Variants in PCCA observed in about 807,000 individuals in gnomAD.
PCCA encodes propionyl-CoA carboxylase alpha chain, mitochondrial.
Under a neutral mutation model 101.3 loss-of-function variants are expected in PCCA, and 74 were observed. That is an observed-to-expected ratio of 0.73 (90% CI 0.61 to 0.89). The LOEUF (loss-of-function observed/expected upper bound fraction) is 0.89, where lower values mean the gene tolerates loss of function less well. Among genes scored for constraint, PCCA ranks in the 40% least tolerant of loss-of-function variants. The pLI is 0.00. For synonymous variants in PCCA, 294 were observed against 313.6 expected (o/e 0.94, Z 0.66); for missense variants, 891 against 907.0 (o/e 0.98, Z 0.23).
intron 23 of PCCA, 26 bp from the exon 24 acceptor site, chr13:100,530,071 CT>C: frequency 6.3e-7 from 1 of 1,590,060 alleles, no homozygotes; most frequent in Non-Finnish European, 8.6e-7. Flanking sequence ...TTACTCTCCC[CT>C]CCCCCTGCAT....
intron 23 of PCCA, among the ~76,000 whole-genome samples, chr13:100,529,881 G>A (rs1022045629): frequency 2.6e-5 from 4 of 152,272 alleles, no homozygotes; most frequent in East Asian, 1.9e-4. Context: ...CAGAGGAGAC[G>A]GGAAAGGGGA....
chr13:100,518,642 T>TA (rs1465168817), intron 22 of PCCA, among the ~76,000 whole-genome samples: 4 of 152,194 alleles, frequency 2.6e-5, no homozygotes, highest in Non-Finnish European at 5.9e-5. Context: ...AAAATGCAGG[T>TA]AAGCAAACAA....
chr13:100,348,800 CTTCCTTCCTTCCTTCCT>C (rs1296931031), intron 18 of PCCA, among the ~76,000 whole-genome samples: 3 of 49,628 alleles, frequency 6.0e-5, no homozygotes, highest in African/African-American at 2.4e-4. Flanking sequence ...TCCTTCCTTC[CTTCCTTCCTTCCTTCCT>C]TTCTTTCTTT....
At chr13:100,451,787 C>T (rs1452017762) in intron 21 of PCCA, among the ~76,000 whole-genome samples, 1 of 131,404 alleles carries the variant, frequency 7.6e-6, no homozygotes, top group Non-Finnish European at 1.6e-5. Context: ...TCTCTGTCCT[C>T]TTCCTCTCCT....
Position 100,391,146 on chromosome 13 carries a change from TAGCTGGGACTAC to T in PCCA, c.1746+22575_1746+22586del, listed in dbSNP as rs367762909. ...GAATCTCCTGCCTCAGCCTCCCAAGTAGCTGGGACTACAGGCGCACGCCACCACGCCCAGCTA... is the reference window on the plus strand; with the variant it reads ...GAATCTCCTGCCTCAGCCTCCCAAGTAGGCGCACGCCACCACGCCCAGCTA... On this transcript the variant is annotated intron_variant, in intron 19 of 23. Transcript: ENST00000376285. Among the ~76,000 whole-genome samples, 506 of 152,260 alleles carry T rather than the reference TAGCTGGGACTAC, an allele frequency of 3.3e-3. 3 individuals carry two copies. Among genetic ancestry groups the T allele is most frequent in the African/African-American group, 0.011 (468 of 41,558 alleles).
chr13:100,211,643 C>T (rs1355139669), intron 7 of PCCA, among the ~76,000 whole-genome samples: 1 of 152,112 alleles, frequency 6.6e-6, no homozygotes, highest in East Asian at 1.9e-4. Flanking sequence ...TATTCTGGGT[C>T]CTGAGTAGGA....
rs746050178 is a variant in PCCA, at chr13:100,309,879, C to A, written c.1400C>A (p.Ala467Glu). The A allele has an allele frequency of 1.2e-6, 2 of 1,612,874 alleles. No individual in the cohort carries two copies. Among genetic ancestry groups the A allele is most frequent in the Non-Finnish European group, 1.7e-6 (2 of 1,179,000 alleles). ...SDRTEALKRM[A>E]DALDNYVIRG... ...AGAACTGAGGCACTGAAGAGAATGG[C>A]AGATGCACTGGATAACTATGTTATT... Residue 467 changes from alanine to glutamate, a missense_variant, in exon 16 of 24, where the codon GCA (alanine) becomes GAA (glutamate). Physicochemically the swap from Ala to Glu is moderately radical, Grantham distance 107. Transcript: ENST00000376285.
At chr13:100,442,551 T>A (rs986140408) in intron 20 of PCCA, among the ~76,000 whole-genome samples, 1 of 152,218 alleles carries the variant, frequency 6.6e-6, no homozygotes, top group Admixed American at 6.5e-5. Flanking sequence ...GCCAAAGGAA[T>A]GATAATATTG....
intron 18 of PCCA, among the ~76,000 whole-genome samples, chr13:100,346,195 A>G (rs907814719): frequency 5.3e-5 from 8 of 152,230 alleles, no homozygotes; most frequent in African/African-American, 1.7e-4. Flanking sequence ...TGCCATAAAT[A>G]GTGATTCCTA....
intron 19 of PCCA, among the ~76,000 whole-genome samples, chr13:100,403,129 G>T (rs1335010602): frequency 1.3e-5 from 2 of 152,110 alleles, no homozygotes; most frequent in Admixed American, 1.3e-4. Flanking sequence ...GCAGGTTGGA[G>T]ATGGGGCTTT....
chr13:100,341,997 G>GTATA (rs146304987), intron 18 of PCCA, among the ~76,000 whole-genome samples: 11 of 133,928 alleles, frequency 8.2e-5, no homozygotes, highest in East Asian at 2.1e-4. Context: ...TTATGTGTGT[G>GTATA]TATATATATG....
At chr13:100,354,390 GGGAA>G (rs1329204007) in intron 18 of PCCA, among the ~76,000 whole-genome samples, 2 of 146,648 alleles carry the variant, frequency 1.4e-5, no homozygotes, top group African/African-American at 5.1e-5. Context: ...CAGGCAGGCA[GGGAA>G]GGGAGGGAGG....
chr13:100,352,607 A>T (rs186164580), intron 18 of PCCA, among the ~76,000 whole-genome samples: 1 of 151,838 alleles, frequency 6.6e-6, no homozygotes, highest in African/African-American at 2.4e-5. Context: ...TTACCCAGGC[A>T]AGTCTCGAAC....
rs1025256520 is a variant in PCCA at position 100,394,466 on chromosome 13, T to A, written c.1746+25892T>A. ...CTCTGTCAGACTATCACAGCAGCTG[T>A]GTGTTTGCAGATTTTGCTTATGAGA... On this transcript the variant is annotated intron_variant, in intron 19 of 23. Transcript: ENST00000376285. The surrounding 1 kb of genome is among the most constrained non-coding windows in gnomAD (Gnocchi z 4.3). Among the ~76,000 whole-genome samples the A allele has an allele frequency of 6.6e-6, 1 of 152,144 alleles. No homozygotes were observed. The highest frequency in any genetic ancestry group is 1.5e-5 in the Non-Finnish European group (1 of 68,018).
chr13:100,112,576 CT>C (rs5806149), intron 4 of PCCA, among the ~76,000 whole-genome samples: 38,482 of 123,520 alleles, frequency 0.31, 5,208 homozygotes, highest in East Asian at 0.63. Flanking sequence ...CACAGCAGGC[CT>C]TTTTTTTTTT....
intron 8 of PCCA, among the ~76,000 whole-genome samples, chr13:100,252,280 T>C (rs754604954): frequency 5.3e-5 from 8 of 152,202 alleles, no homozygotes; most frequent in Non-Finnish European, 8.8e-5. Context: ...AACAAAGGCC[T>C]TGTAGTTAAT....
At chr13:100,274,933 G>T (rs1240173696) in intron 12 of PCCA, among the ~76,000 whole-genome samples, 1 of 152,008 alleles carries the variant, frequency 6.6e-6, no homozygotes, top group Non-Finnish European at 1.5e-5. Context: ...ACTGGGGTGG[G>T]TGAGTGGGGG....
intron 4 of PCCA, among the ~76,000 whole-genome samples, chr13:100,118,854 A>G (rs2049086028): frequency 6.6e-6 from 1 of 151,864 alleles, no homozygotes; most frequent in East Asian, 1.9e-4. Context: ...CCAGCCAGTA[A>G]TGTTATTTTT....
chr13:100,391,653 G>A (rs897269741), intron 19 of PCCA, among the ~76,000 whole-genome samples: 1 of 152,000 alleles, frequency 6.6e-6, no homozygotes, highest in Non-Finnish European at 1.5e-5. Context: ...TTAAACTATG[G>A]GTTTCGATTT....
Sources: allele counts gnomAD v4.1 joint callset (sites outside exome capture counted in the v4.1 genomes callset), GRCh38; gene constraint gnomAD v4.1.1; non-coding constraint Gnocchi (gnomAD v3.1); transcripts MANE v1.5; gene names NCBI Gene and HGNC (gene_info 2026-07-23, HGNC 2026-07-21).